Variants in DYNLT3 observed in about 807,000 individuals in gnomAD.
DYNLT3 encodes dynein light chain Tctex-type 3.
In DYNLT3, 4 loss-of-function variants were observed where a neutral mutation model predicts 11.0. The ratio of observed to expected loss-of-function variants is 0.36; its 90% confidence interval spans 0.18 to 0.83. DYNLT3 has a LOEUF of 0.83. DYNLT3 is among the 40% of genes least tolerant of loss of function. The pLI is 0.47. For missense variants in DYNLT3, 91 were observed against 91.1 expected, an observed-to-expected ratio of 1.00 and a Z score of 0.01; for synonymous variants, 37 against 31.2, an observed-to-expected ratio of 1.18 and a Z score of -0.61.
chrX:37,847,562 G>A lies in DYNLT3; in HGVS notation c.-52C>T. 1 of 954,321 alleles carries A rather than the reference G, an allele frequency of 1.0e-6. No homozygotes were observed. Among genetic ancestry groups the A allele is most frequent in the Non-Finnish European group, 1.3e-6 (1 of 759,409 alleles). The allele number at this position is 954,321 out of a possible 1,213,427, so 78.6% of individuals were successfully genotyped here. On this transcript the variant is annotated 5_prime_UTR_variant, in exon 1 of 5. Transcript: ENST00000378578. The stretch of plus-strand genomic sequence containing the variant: ...AGCGACACGCCGGTAGAGCACCGCG[G>A]CCGCGCACTGGCCTCCGGGGAGGCC...
chrX:37,847,407 A>G, intron 1 of DYNLT3, 74 bp downstream of exon 1: 1 of 1,002,575 alleles, frequency 1.0e-6, no homozygotes, highest in South Asian at 3.7e-5. Context: ...CCTCGCTGGG[A>G]GACCACCCGG....
At chrX:37,841,250 C>A in intron 3 of DYNLT3, 145 bp from the exon 4 acceptor site, 8 of 398,284 alleles carry the variant, frequency 2.0e-5, no homozygotes, top group South Asian at 7.4e-5. Context: ...AAGCGTTCAG[C>A]AAATAGATTG....
In DYNLT3 at chrX:37,840,762, ACACACAC is replaced by A. The variant is rs1569481822; in HGVS notation, c.275-118_275-112del. On this transcript the variant is annotated intron_variant, in intron 4 of 4. Transcript: ENST00000378578. ...CACACACACACATATACACACACAC[ACACACAC>A]ACACACACACACACACACACATATA... 1,279 of 315,190 alleles carry A rather than the reference ACACACAC, an allele frequency of 4.1e-3. 20 individuals are homozygous for A. Among genetic ancestry groups the A allele is most frequent in the African/African-American group, 0.037 (1,124 of 30,082 alleles). The allele number at this position is 315,190 out of a possible 1,213,427, so 26.0% of individuals were successfully genotyped here. A position where few individuals can be genotyped will look rare whatever the true frequency, so the allele number is the denominator to read the frequency against.
intron 1 of DYNLT3, chrX:37,847,158 GGC>G: frequency 8.8e-7 from 1 of 1,133,589 alleles, no homozygotes; most frequent in Non-Finnish European, 1.2e-6. Context: ...CCGTTTTCGA[GGC>G]CCGCCCGGTA....
Position 37,841,859 on chromosome X carries a change from ATGT to A in DYNLT3, c.116_118del (p.Asn39del), listed in dbSNP as rs759653980. Reference sequence around the variant, plus strand: ...CACTATGCTTGCAGTCCACTGGTTGATGTTGTTGTGATTATAATCTTCACCACC... The same window carrying A: ...CACTATGCTTGCAGTCCACTGGTTGATGTTGTGATTATAATCTTCACCACC... On this transcript the variant is annotated inframe_deletion, in exon 3 of 5. Transcript: ENST00000378578. The A allele has an allele frequency of 3.5e-6, 4 of 1,159,359 alleles. No homozygotes were observed. The highest frequency in any genetic ancestry group is 3.5e-6 in the Non-Finnish European group (3 of 859,913).
chrX:37,841,803 C>A lies in DYNLT3; in HGVS notation c.175G>T (p.Gly59Ter). ...TTACCAATATATTTATAGGCTTTTC[C>A]CAACTTAACCAGGTGTGTTAAGGAT... ...EQSLTHLVKL[G>*]KAYKYIVTCA... The change falls in exon 3 of 5, where the codon GGA becomes TGA. Residue 59 changes from glycine to a stop codon, truncating the protein, a stop_gained. Transcript: ENST00000378578. LOFTEE classifies it high-confidence loss of function. 1 of 1,170,551 alleles carries A rather than the reference C, an allele frequency of 8.5e-7. No homozygotes were observed. The highest frequency in any genetic ancestry group is 3.0e-5 in the East Asian group (1 of 33,157).
rs5964203 is a variant in DYNLT3 at position 37,841,955 on chromosome X, A to C, written c.73-50T>G. On this transcript the variant is annotated intron_variant, in intron 2 of 4. Coordinates refer to ENST00000378578, the MANE Select transcript of DYNLT3 (RefSeq NM_006520.3). Reference sequence around the variant, plus strand: ...ATTTAGTCAGTAAAATTGTTCAAAAAGAACAATTTTTACACAAATTGCAGT... The same window carrying C: ...ATTTAGTCAGTAAAATTGTTCAAAACGAACAATTTTTACACAAATTGCAGT... 2.0e-5 allele frequency: 21 copies of C among 1,026,733 alleles called. No individual in the cohort carries two copies. In the East Asian group the frequency reaches 7.0e-4, roughly 34 times the overall value. The allele number at this position is 1,026,733 out of a possible 1,213,427, so 84.6% of individuals were successfully genotyped here.
chrX:37,841,541 C>A, intron 3 of DYNLT3, among the ~76,000 whole-genome samples: 1 of 111,465 alleles, frequency 9.0e-6, no homozygotes, highest in African/African-American at 3.3e-5. Flanking sequence ...AAAGAAAGAA[C>A]TGATGGAAAT....
intron 4 of DYNLT3, 25 bp downstream of exon 4, chrX:37,841,003 T>A: frequency 8.3e-7 from 1 of 1,205,509 alleles, no homozygotes; most frequent in Non-Finnish European, 1.1e-6. Context: ...TTGGATTTTG[T>A]GTAAATCAGC....
intron 1 of DYNLT3, chrX:37,847,254 C>T: frequency 1.1e-6 from 1 of 931,424 alleles, no homozygotes; most frequent in Non-Finnish European, 1.4e-6. Flanking sequence ...ACCCCACCGT[C>T]TGATCCGCGC....
At position 37,839,674 on chromosome X, in the gene DYNLT3, C is replaced by A. The variant is rs1349273971; in HGVS notation, c.*901G>T. The A allele has an allele frequency of 1.8e-5, 2 of 112,543 alleles. No homozygotes were observed. The highest frequency in any genetic ancestry group is 2.8e-4 in the East Asian group (1 of 3,625). 9.3% of individuals were successfully genotyped at this position (112,543 alleles called of 1,213,427 possible). On this transcript the variant is annotated 3_prime_UTR_variant, in exon 5 of 5. Transcript: ENST00000378578. ...ATTTTGCTTACTTCCATATGTGTAA[C>A]CAGATTCACTTTTTTCCTCCCTTGT...
chrX:37,842,020 T>A, intron 2 of DYNLT3, 115 bp from the exon 3 acceptor site: 1 of 690,225 alleles, frequency 1.4e-6, no homozygotes, highest in Non-Finnish European at 2.0e-6. Flanking sequence ...TATAGCTCAA[T>A]AAGGCATCTT....
rs1250321358 is a variant in DYNLT3, at chrX:37,840,739, C to T, written c.275-88G>A. 9.4e-6 allele frequency: 5 copies of T among 532,093 alleles called. No homozygotes were observed. The Admixed American group carries it at 1.9e-4, about 20-fold the overall frequency. 43.9% of individuals were successfully genotyped at this position (532,093 alleles called of 1,213,427 possible). On this transcript the variant is annotated intron_variant, in intron 4 of 4. Transcript: ENST00000378578. ...ATATATATATACACACACACACACACACACACACATATACACACACACACA... is the reference window on the plus strand; with the variant it reads ...ATATATATATACACACACACACACATACACACACATATACACACACACACA...
rs750332268 is a variant in DYNLT3 at position 37,840,723 on chromosome X, TACAC to T, written c.275-76_275-73del. 590 of 410,533 alleles carry T rather than the reference TACAC, an allele frequency of 1.4e-3. 1 individual carries two copies. Among genetic ancestry groups the T allele is most frequent in the South Asian group, 3.5e-3 (68 of 19,400 alleles). The allele number at this position is 410,533 out of a possible 1,213,427, so 33.8% of individuals were successfully genotyped here. ...TTATCAGAGAATATATATATATATA[TACAC>T]ACACACACACACACACACACATATA... is the stretch of plus-strand genomic sequence containing the variant. On this transcript the variant is annotated intron_variant, in intron 4 of 4. Transcript: ENST00000378578.
In DYNLT3 at chrX:37,841,830, G is replaced by A; in HGVS notation, c.148C>T (p.Gln50Ter). Residue 50 changes from glutamine to a stop codon, truncating the protein, a stop_gained, in exon 3 of 5, where the codon CAA becomes TAA. Coordinates refer to ENST00000378578, the MANE Select transcript of DYNLT3 (RefSeq NM_006520.3). LOFTEE classifies it high-confidence loss of function. ...AACTTAACCAGGTGTGTTAAGGATT[G>A]TTCCACTATGCTTGCAGTCCACTGG... ...INQWTASIVE[Q>*]SLTHLVKLGK... is the part of the protein sequence containing the mutation. The A allele has an allele frequency of 8.5e-7, 1 of 1,181,854 alleles. No individual in the cohort carries two copies.
chrX:37,839,213 C>T lies in DYNLT3; in HGVS notation c.*1362G>A, dbSNP rs1430595472. The T allele has an allele frequency of 8.9e-6, 1 of 111,852 alleles. No homozygotes were observed. Among genetic ancestry groups the T allele is most frequent in the Non-Finnish European group, 1.9e-5 (1 of 53,081 alleles). The allele number at this position is 111,852 out of a possible 1,213,427, so 9.2% of individuals were successfully genotyped here. A position where few individuals can be genotyped will look rare whatever the true frequency, so the allele number is the denominator to read the frequency against. ...GTCAATATTAACGCTAAGCTTATTC[C>T]TCTCCAAAATTCAATGAGTTATGGT... On this transcript the variant is annotated 3_prime_UTR_variant, in exon 5 of 5. Transcript: ENST00000378578.
At chrX:37,841,203 G>T in intron 3 of DYNLT3, 98 bp from the exon 4 acceptor site, 1 of 651,917 alleles carries the variant, frequency 1.5e-6, no homozygotes, top group Non-Finnish European at 2.2e-6. Context: ...CCGAAAACAA[G>T]ACAAAAAACA....
intron 2 of DYNLT3, among the ~76,000 whole-genome samples, chrX:37,845,207 A>G (rs1195153020): frequency 8.9e-6 from 1 of 112,180 alleles, no homozygotes; most frequent in Non-Finnish European, 1.9e-5. Flanking sequence ...TACTTTTAAT[A>G]ATTAAATACT....
At chrX:37,843,767 G>C in intron 2 of DYNLT3, among the ~76,000 whole-genome samples, 1 of 111,588 alleles carries the variant, frequency 9.0e-6, no homozygotes, top group Non-Finnish European at 1.9e-5. Context: ...TAGGGGCTCA[G>C]AGCAAGAAAT....
Sources: allele counts gnomAD v4.1 joint callset (sites outside exome capture counted in the v4.1 genomes callset), GRCh38; gene constraint gnomAD v4.1.1; transcripts MANE v1.5; gene names NCBI Gene and HGNC (gene_info 2026-07-23, HGNC 2026-07-21).